DCAF8L2: variants seen among roughly 807,000 people sequenced by gnomAD.
DCAF8L2 encodes the protein DDB1- and CUL4-associated factor 8-like protein 2.
For missense variants in DCAF8L2, 430 were observed against 490.7 expected (o/e 0.88, Z 1.17); for synonymous variants, 200 against 190.9 (o/e 1.05, Z -0.39).
At chrX:27,719,447 ATTTT>A (rs11292943) in intron 4 of DCAF8L2, among the ~76,000 whole-genome samples, 1 of 49,103 alleles carries the variant, frequency 2.0e-5, no homozygotes. Context: ...TACCCATTTA[ATTTT>A]TTTTTTTTTT....
chrX:27,472,323 G>A, the DCAF8L2 span, among the ~76,000 whole-genome samples: 2 of 111,633 alleles, frequency 1.8e-5, no homozygotes, highest in African/African-American at 6.5e-5. Flanking sequence ...TAGATATAAA[G>A]TGCTTCTACT....
At chrX:27,485,945 T>TA in the DCAF8L2 span, among the ~76,000 whole-genome samples, 14,277 of 93,661 alleles carry the variant, frequency 0.15, 1,303 homozygotes, top group East Asian at 0.27. Flanking sequence ...TTTTTTTTTT[T>TA]GTGGTAGAAA....
At chrX:27,693,374 C>T (rs755267734) in intron 3 of DCAF8L2, among the ~76,000 whole-genome samples, 9 of 111,080 alleles carry the variant, frequency 8.1e-5, no homozygotes, top group Non-Finnish European at 1.5e-4. Context: ...AAAGCAAGCT[C>T]TTCATAAATT....
At chrX:27,746,755 G>A (rs757302570) in intron 4 of DCAF8L2, 83 bp from the exon 5 acceptor site, 1 of 531,892 alleles carries the variant, frequency 1.9e-6, no homozygotes, top group Admixed American at 4.0e-5. Context: ...GTCTCCTTTA[G>A]CCAATCAGAT....
At chrX:27,587,981 AAAAAATAT>A (rs1339097324), upstream of DCAF8L2, among the ~76,000 whole-genome samples, 5 of 25,705 alleles carry the variant, frequency 1.9e-4, no homozygotes, top group Non-Finnish European at 3.2e-4. Flanking sequence ...CCATTAAAAA[AAAAAATAT>A]ATATATATAT....
rs1191521291 is a variant in DCAF8L2 at position 27,747,092 on chromosome X, C to G, written c.197C>G (p.Ala66Gly). ...DSRDGGFPND[A>G]STENRSSDQE... ...AGGGATGGTGGATTCCCCAACGATG[C>G]CAGCACAGAAAATCGAAGCTCAGAC... Residue 66 changes from alanine to glycine, a missense_variant, in exon 5 of 5, where the codon GCC becomes GGC. Physicochemically the swap from Ala to Gly is moderately conservative, Grantham distance 60 (BLOSUM62 0). Coordinates refer to ENST00000451261, the MANE Select transcript of DCAF8L2 (RefSeq NM_001353450.2). 2 of 1,165,825 alleles carry G rather than the reference C, an allele frequency of 1.7e-6. No homozygotes were observed. Among genetic ancestry groups the G allele is most frequent in the Admixed American group, 5.2e-5 (2 of 38,476 alleles).
the DCAF8L2 span, among the ~76,000 whole-genome samples, chrX:27,542,191 A>T: frequency 2.4e-4 from 27 of 111,379 alleles, no homozygotes; most frequent in Middle Eastern, 0.023. Context: ...TGGTAGAATG[A>T]TTTATTTTCC....
At chrX:27,618,336 T>C (rs1033884682) in intron 1 of DCAF8L2, among the ~76,000 whole-genome samples, 1 of 111,092 alleles carries the variant, frequency 9.0e-6, no homozygotes, top group African/African-American at 3.3e-5. Flanking sequence ...AACACACGGG[T>C]AAAAAGATAG....
chrX:27,702,536 A>C (rs961549395), intron 3 of DCAF8L2, among the ~76,000 whole-genome samples: 1 of 111,117 alleles, frequency 9.0e-6, no homozygotes, highest in African/African-American at 3.3e-5. Context: ...CAAGAATGCA[A>C]GTTTGGTTTA....
At chrX:27,480,831 GT>G in the DCAF8L2 span, among the ~76,000 whole-genome samples, 1 of 111,679 alleles carries the variant, frequency 9.0e-6, no homozygotes, top group Non-Finnish European at 1.9e-5. Context: ...ACTCAAACTG[GT>G]TAAGGAAGGG....
chrX:27,719,259 A>G (rs1263605686), intron 4 of DCAF8L2, among the ~76,000 whole-genome samples: 2 of 111,349 alleles, frequency 1.8e-5, no homozygotes, highest in Non-Finnish European at 3.8e-5. Flanking sequence ...TCTAGTGAAT[A>G]TATCATTGTG....
At chrX:27,566,036 G>A in the DCAF8L2 span, among the ~76,000 whole-genome samples, 26 of 110,673 alleles carry the variant, frequency 2.3e-4, no homozygotes, top group South Asian at 7.4e-3. Context: ...TGTGTTAGGA[G>A]ATGGAATTTT....
rs1180719752 is a variant in DCAF8L2, at chrX:27,606,273, T to TTATA, written c.-342+15842_-342+15845dup. Among the ~76,000 whole-genome samples, 15 of 85,897 alleles carry TTATA rather than the reference T, an allele frequency of 1.7e-4. No homozygotes were observed. The East Asian group carries it at 2.9e-3, about 17-fold the overall frequency. The allele number at this position is 85,897 out of a possible 115,157, so 74.6% of individuals were successfully genotyped here. ...AATTATATATATATATATATAGGAA[T>TTATA]TATATATATATAGGAATTATATATA... is the stretch of plus-strand genomic sequence containing the variant. On this transcript the variant is annotated intron_variant, in intron 1 of 4. Coordinates refer to ENST00000451261, the MANE Select transcript of DCAF8L2 (RefSeq NM_001353450.2).
At chrX:27,510,256 T>C in the DCAF8L2 span, among the ~76,000 whole-genome samples, 1 of 110,825 alleles carries the variant, frequency 9.0e-6, no homozygotes, top group African/African-American at 3.3e-5. Flanking sequence ...TCATGCTTAA[T>C]TAAACATCTG....
chrX:27,607,766 A>G (rs1926975603), intron 1 of DCAF8L2, among the ~76,000 whole-genome samples: 1 of 111,429 alleles, frequency 9.0e-6, no homozygotes, highest in Non-Finnish European at 1.9e-5. Flanking sequence ...CTTTCACTGT[A>G]TTATTTTTGG....
intron 1 of DCAF8L2, among the ~76,000 whole-genome samples, chrX:27,591,616 T>G (rs1211539484): frequency 8.9e-6 from 1 of 111,971 alleles, no homozygotes; most frequent in Non-Finnish European, 1.9e-5. Flanking sequence ...AGCAAAGTTC[T>G]TTTATATGTA....
At chrX:27,584,709 A>G in the DCAF8L2 span, among the ~76,000 whole-genome samples, 1 of 111,756 alleles carries the variant, frequency 8.9e-6, no homozygotes, top group African/African-American at 3.3e-5. Flanking sequence ...ATACACAGGC[A>G]CTCACATGTG....
chrX:27,626,645 T>C lies in DCAF8L2; in HGVS notation c.-341-5234T>C, dbSNP rs12115882. On this transcript the variant is annotated intron_variant, in intron 1 of 4. Transcript: ENST00000451261. ...TAATTAATTTGATATGTAATATTTTTATTTGTTTCTTATGAAGATAAGTCA... is the reference window on the plus strand; with the variant it reads ...TAATTAATTTGATATGTAATATTTTCATTTGTTTCTTATGAAGATAAGTCA... Among the ~76,000 whole-genome samples, 323 of 112,289 alleles carry C rather than the reference T, an allele frequency of 2.9e-3. 1 individual carries two copies. Among genetic ancestry groups the C allele is most frequent in the African/African-American group, 9.8e-3 (304 of 30,940 alleles).
chrX:27,658,103 T>G (rs2147208610), intron 2 of DCAF8L2, among the ~76,000 whole-genome samples: 1 of 112,769 alleles, frequency 8.9e-6, no homozygotes, highest in Non-Finnish European at 1.9e-5. Flanking sequence ...TTCTTTTTTC[T>G]GAAACATTTG....
Sources: gnomAD v4.1 joint callset for allele counts (sites outside exome capture counted in the v4.1 genomes callset) on GRCh38, gnomAD v4.1.1 for gene constraint, MANE v1.5 for transcripts, NCBI Gene and HGNC (gene_info 2026-07-23, HGNC 2026-07-21) for gene names.